Variants in FMO4 observed in about 807,000 individuals in gnomAD.
FMO4 encodes flavin containing dimethylaniline monoxygenase 4, also known as dimethylaniline monooxygenase [N-oxide-forming] 4.
A neutral mutation model predicts 43.3 loss-of-function variants in FMO4; 38 were observed. The observed-to-expected ratio is 0.88, with a 90% confidence interval of 0.68 to 1.15. The LOEUF (loss-of-function observed/expected upper bound fraction) is 1.15, where lower values mean the gene tolerates loss of function less well. FMO4 is among the 50% of genes most tolerant of loss of function. The probability of loss-of-function intolerance (pLI) is 0.00; values close to 1 mark genes in which losing one functional copy is unlikely to be tolerated. For synonymous variants in FMO4, 224 were observed against 232.2 expected (o/e 0.96, Z 0.32); for missense variants, 631 against 663.3 (o/e 0.95, Z 0.54).
At chr1:171,336,236 A>G (rs968523342) in intron 8 of FMO4, among the ~76,000 whole-genome samples, 1 of 152,084 alleles carries the variant, frequency 6.6e-6, no homozygotes, top group Non-Finnish European at 1.5e-5. Flanking sequence ...CAAGGGTCAC[A>G]AGTGGCCTGA....
chr1:171,323,805 T>C (rs577465935), intron 4 of FMO4, among the ~76,000 whole-genome samples: 71 of 152,330 alleles, frequency 4.7e-4, no homozygotes, highest in African/African-American at 1.7e-3. Flanking sequence ...TCTAGATGTC[T>C]GAACCACAGA....
chr1:171,341,679 C>T lies in FMO4; in HGVS notation c.1517C>T (p.Ser506Phe), dbSNP rs909729685. The change falls in exon 10 of 10, where the codon TCC becomes TTC. Residue 506 changes from serine to phenylalanine, a missense_variant. Coordinates refer to ENST00000367749, the MANE Select transcript of FMO4 (RefSeq NM_002022.3). Reference protein sequence around the residue: ...PLKTRIVPDSSKPASMSHYLK... With the variant: ...PLKTRIVPDSFKPASMSHYLK... Reference sequence around the variant, plus strand: ...AAAACTCGAATTGTCCCTGATTCCTCCAAGCCTGCCTCCATGTCACATTAT... The same window carrying T: ...AAAACTCGAATTGTCCCTGATTCCTTCAAGCCTGCCTCCATGTCACATTAT... 4 of 1,613,912 alleles carry T rather than the reference C, an allele frequency of 2.5e-6. No individual in the cohort carries two copies. The Admixed American group carries it at 5.0e-5, about 20-fold the overall frequency.
At chr1:171,334,836 CAG>C in intron 8 of FMO4, 73 bp downstream of exon 8, 1 of 802,390 alleles carries the variant, frequency 1.2e-6, no homozygotes, top group Non-Finnish European at 2.0e-6. Context: ...TAAAATCAAA[CAG>C]ATGTGAACTA....
chr1:171,340,959 A>G (rs1204939238), intron 9 of FMO4, among the ~76,000 whole-genome samples: 1 of 152,168 alleles, frequency 6.6e-6, no homozygotes, highest in Admixed American at 6.5e-5. Context: ...AAAAATGGAA[A>G]AAAACATAAA....
chr1:171,335,472 C>G (rs1571410704), intron 8 of FMO4, among the ~76,000 whole-genome samples: 1 of 152,278 alleles, frequency 6.6e-6, no homozygotes, highest in East Asian at 1.9e-4. Context: ...TAAAGCAGGG[C>G]AAATTTTAGA....
chr1:171,337,981 A>G (rs1663189545), intron 9 of FMO4, among the ~76,000 whole-genome samples: 1 of 152,084 alleles, frequency 6.6e-6, no homozygotes, highest in Non-Finnish European at 1.5e-5. Flanking sequence ...GATATTTAAT[A>G]GGCGTCTCAA....
intron 3 of FMO4, 94 bp downstream of exon 3, chr1:171,320,051 G>C: frequency 2.9e-6 from 4 of 1,385,406 alleles, no homozygotes; most frequent in South Asian, 1.3e-5. Flanking sequence ...ATCAAGTAAG[G>C]GAGTGGCTTA....
chr1:171,331,934 G>C (rs1321017737), intron 6 of FMO4, 152 bp downstream of exon 6: 1 of 723,354 alleles, frequency 1.4e-6, no homozygotes, highest in Non-Finnish European at 2.3e-6. Flanking sequence ...AATCTTTAAA[G>C]CCACTCACGG....
intron 5 of FMO4, 86 bp downstream of exon 5, chr1:171,324,386 C>A: frequency 9.6e-7 from 1 of 1,045,056 alleles, no homozygotes; most frequent in Non-Finnish European, 1.4e-6. Flanking sequence ...AAATACCGCC[C>A]CATGATTATA....
At chr1:171,320,069 G>A (rs1421885222) in intron 3 of FMO4, 112 bp downstream of exon 3, 75 of 1,150,348 alleles carry the variant, frequency 6.5e-5, no homozygotes, top group African/African-American at 7.6e-5. Context: ...TTACTGCAAC[G>A]GCACAAACAA....
At position 171,324,137 on chromosome 1, in the gene FMO4, G is replaced by A; in HGVS notation, c.322-1G>A. The A allele has an allele frequency of 1.2e-6, 2 of 1,606,894 alleles. No individual in the cohort carries two copies. The highest frequency in any genetic ancestry group is 2.2e-5 in the South Asian group (2 of 89,790). On this transcript the variant is annotated splice_acceptor_variant, in intron 4 of 9. Coordinates refer to ENST00000367749, the MANE Select transcript of FMO4 (RefSeq NM_002022.3). LOFTEE classifies it high-confidence loss of function. The stretch of plus-strand genomic sequence containing the variant: ...AGTGAGTGTTTGTCTTTCACTTTTA[G>A]ACCACTGTGTGCAGCATAACGAAGC...
At chr1:171,319,773 C>T (rs970132569) in intron 2 of FMO4, 45 bp from the exon 3 acceptor site, 30 of 1,593,214 alleles carry the variant, frequency 1.9e-5, no homozygotes, top group Non-Finnish European at 2.5e-5. Context: ...GGCTCCCTTC[C>T]AAACTTATTA....
Position 171,334,452 on chromosome 1 carries a change from G to A in FMO4, c.869G>A (p.Cys290Tyr). Residue 290 changes from cysteine (C) to tyrosine (Y), a missense_variant, in exon 8 of 10, where the codon TGT becomes TAT. Transcript: ENST00000367749. The stretch of plus-strand genomic sequence containing the variant: ...ATTGTGAATGATGAGCTGCCAAACT[G>A]TATCCTCTGTGGGGCAATCACTATG... ...KFIVNDELPN[C>Y]ILCGAITMKT... The A allele has an allele frequency of 6.2e-7, 1 of 1,606,978 alleles. No individual in the cohort carries two copies. The highest frequency in any genetic ancestry group is 8.5e-7 in the Non-Finnish European group (1 of 1,177,772).
chr1:171,322,955 T>C (rs1302728581), intron 3 of FMO4, 49 bp from the exon 4 acceptor site: 1 of 1,427,628 alleles, frequency 7.0e-7, no homozygotes, highest in Non-Finnish European at 9.8e-7. Flanking sequence ...CTCTGTTCTC[T>C]TCCTCCTATC....
rs146914635 is a variant in FMO4 at position 171,338,103 on chromosome 1, G to C, written c.1250+678G>C. On this transcript the variant is annotated intron_variant, in intron 9 of 9. Coordinates refer to ENST00000367749, the MANE Select transcript of FMO4 (RefSeq NM_002022.3). ...CAGTTCATAGCTACTCATTCCAGTT[G>C]GTCAAAACCAAGTTCAGTCAAAAAC... Among the ~76,000 whole-genome samples the C allele has an allele frequency of 2.8e-3, 431 of 152,058 alleles. 2 individuals carry two copies. The highest frequency in any genetic ancestry group is 0.01 in the African/African-American group (419 of 41,474).
intron 2 of FMO4, among the ~76,000 whole-genome samples, chr1:171,319,154 G>T (rs570348921): frequency 6.6e-6 from 1 of 152,178 alleles, no homozygotes; most frequent in Admixed American, 6.5e-5. Flanking sequence ...TGGTGAATGC[G>T]GGTATTTTAT....
At chr1:171,338,658 C>T (rs1291637188) in intron 9 of FMO4, among the ~76,000 whole-genome samples, 1 of 152,190 alleles carries the variant, frequency 6.6e-6, no homozygotes, top group Non-Finnish European at 1.5e-5. Flanking sequence ...AGAGAGAAGC[C>T]TTCTCTGACA....
At position 171,323,004 on chromosome 1, in the gene FMO4, G is replaced by A. The variant is rs1484577525; in HGVS notation, c.133G>A (p.Glu45Lys). Residue 45 changes from glutamate (E) to lysine (K), a missense_variant and splice_region_variant, in exon 4 of 10, where the codon GAA becomes AAA. Physicochemically the swap from Glu to Lys is moderately conservative, Grantham distance 56. Coordinates refer to ENST00000367749, the MANE Select transcript of FMO4 (RefSeq NM_002022.3). Reference protein sequence around the residue: ...DDIGGLWKFTESSKDGMTRVY... With the variant: ...DDIGGLWKFTKSSKDGMTRVY... ...CAAGCTAACTATGCCTTCACCACAG[G>A]AATCTTCCAAAGATGGGATGACCAG... The A allele has an allele frequency of 6.2e-7, 1 of 1,611,248 alleles. No individual in the cohort carries two copies. Among genetic ancestry groups the A allele is most frequent in the South Asian group, 1.1e-5 (1 of 90,848 alleles).
chr1:171,324,772 T>A (rs1662587185), intron 5 of FMO4, among the ~76,000 whole-genome samples: 1 of 151,912 alleles, frequency 6.6e-6, no homozygotes, highest in Admixed American at 6.6e-5. Flanking sequence ...AAATAAAACT[T>A]TAAAAGGGAA....
Sources: gnomAD v4.1 joint callset for allele counts (sites outside exome capture counted in the v4.1 genomes callset) on GRCh38, gnomAD v4.1.1 for gene constraint, MANE v1.5 for transcripts, NCBI Gene and HGNC (gene_info 2026-07-23, HGNC 2026-07-21) for gene names.